GNG2: variants seen among roughly 807,000 people sequenced by gnomAD.
The protein encoded by GNG2 is guanine nucleotide-binding protein G(I)/G(S)/G(O) subunit gamma-2.
In GNG2, 5 loss-of-function variants were observed where a neutral mutation model predicts 5.5. That is an observed-to-expected ratio of 0.91 (90% CI 0.48 to 1.92). GNG2 has a LOEUF of 1.92. GNG2 is among the 30% of genes most tolerant of loss of function. The pLI is 0.01. For missense variants in GNG2, 55 were observed against 88.4 expected (o/e 0.62, Z 1.52); for synonymous variants, 28 against 32.0 (o/e 0.88, Z 0.42).
intron 1 of GNG2, among the ~76,000 whole-genome samples, chr14:51,871,669 G>A (rs1243616671): frequency 6.6e-6 from 1 of 152,200 alleles, no homozygotes; most frequent in Non-Finnish European, 1.5e-5. Context: ...TCACAAATCT[G>A]CAGTAGAGTA....
chr14:51,945,849 T>A (rs1307959484), intron 2 of GNG2, among the ~76,000 whole-genome samples: 4 of 152,154 alleles, frequency 2.6e-5, no homozygotes, highest in Non-Finnish European at 1.5e-5. Flanking sequence ...AACTCTTATT[T>A]GCACAGGTAA....
rs528769185 is a variant in GNG2, at chr14:51,913,496, AGAGT to A, written c.-30+35843_-30+35846del. Among the ~76,000 whole-genome samples, 720 of 152,310 alleles carry A rather than the reference AGAGT, an allele frequency of 4.7e-3. 6 individuals are homozygous for A. Among genetic ancestry groups the A allele is most frequent in the African/African-American group, 0.016 (676 of 41,564 alleles). On this transcript the variant is annotated intron_variant, in intron 2 of 3. Transcript: ENST00000556766. Reference sequence around the variant, plus strand: ...ATCACTGCACTCCAGTCTGGGTGACAGAGTGAGACCCTGTCTCTAAAAATAAACA... The same window carrying A: ...ATCACTGCACTCCAGTCTGGGTGACAGAGACCCTGTCTCTAAAAATAAACA...
At chr14:51,854,401 C>T (rs9323224) in intron 2 of GNG2, among the ~76,000 whole-genome samples, 53,769 of 152,112 alleles carry the variant, frequency 0.35, 10,220 homozygotes, top group Non-Finnish European at 0.44. Flanking sequence ...CAGCCCTGGT[C>T]TGGGGAGTGT....
intron 2 of GNG2, among the ~76,000 whole-genome samples, chr14:51,949,567 A>G (rs1474614126): frequency 6.6e-6 from 1 of 152,210 alleles, no homozygotes; most frequent in Non-Finnish European, 1.5e-5. Flanking sequence ...ACAAGATTCC[A>G]TTAGTGTTGA....
chr14:51,934,350 A>G (rs1253707), intron 2 of GNG2, among the ~76,000 whole-genome samples: 140,206 of 152,188 alleles, frequency 0.92, 65,233 homozygotes, highest in Non-Finnish European at 0.99. Context: ...GGGGTCTTCG[A>G]GCTTTTCTGC....
rs1225461761 is a variant in GNG2, at chr14:51,864,451, GATA to G, written c.-71+3667_-71+3669del. Among the ~76,000 whole-genome samples, 12 of 152,286 alleles carry G rather than the reference GATA, an allele frequency of 7.9e-5. No individual in the cohort carries two copies. In the South Asian group the frequency reaches 1.7e-3, roughly 21 times the overall value. ...GATCTTTTAACATAATGTGTCATTA[GATA>G]ATAATCATAATCTTCGTATTTAACC... On this transcript the variant is annotated intron_variant, in intron 1 of 3. Transcript: ENST00000556766.
chr14:51,953,595 T>C (rs546113270), intron 3 of GNG2, among the ~76,000 whole-genome samples: 1 of 152,332 alleles, frequency 6.6e-6, no homozygotes, highest in African/African-American at 2.4e-5. Flanking sequence ...CATTGGACCT[T>C]ACATTGTTAG....
At chr14:51,829,767 C>T (rs542061832) in intron 2 of GNG2, among the ~76,000 whole-genome samples, 10 of 152,246 alleles carry the variant, frequency 6.6e-5, no homozygotes, top group African/African-American at 2.2e-4. Context: ...CAGAGACATC[C>T]ACTGCTAAAC....
chr14:51,841,867 C>T (rs2140077711), intron 2 of GNG2, among the ~76,000 whole-genome samples: 1 of 152,096 alleles, frequency 6.6e-6, no homozygotes, highest in African/African-American at 2.4e-5. Context: ...AAATTGTGTC[C>T]AATAGACTGC....
In GNG2 at chr14:51,900,760, TG is replaced by T. The variant is rs1885495104; in HGVS notation, c.-30+23105del. 2.0e-5 allele frequency among the ~76,000 whole-genome samples: 3 copies of T among 152,094 alleles called. No individual in the cohort carries two copies. In the South Asian group the frequency reaches 6.2e-4, roughly 31 times the overall value. On this transcript the variant is annotated intron_variant, in intron 2 of 3. Coordinates refer to ENST00000556766, the MANE Select transcript of GNG2 (RefSeq NM_053064.5). ...TTGCTTTCCTAAAGTTCTTTCCAGC[TG>T]GCCTTAGTGAGATTTTGGATCTATT...
chr14:51,949,070 G>A (rs560253460), intron 2 of GNG2, among the ~76,000 whole-genome samples: 18 of 149,978 alleles, frequency 1.2e-4, no homozygotes, highest in Non-Finnish European at 1.5e-4. Context: ...GCAGTGAGCC[G>A]AGATCGCGCC....
chr14:51,908,168 A>G (rs1031927496), intron 2 of GNG2, among the ~76,000 whole-genome samples: 1 of 152,234 alleles, frequency 6.6e-6, no homozygotes, highest in African/African-American at 2.4e-5. Flanking sequence ...AAGCTCATTC[A>G]TATGGCTGTA....
chr14:51,829,345 T>G (rs1159184356), intron 2 of GNG2, among the ~76,000 whole-genome samples: 1 of 152,194 alleles, frequency 6.6e-6, no homozygotes, highest in Non-Finnish European at 1.5e-5. Context: ...ACCTGCAAGC[T>G]ATTGATCATA....
intron 1 of GNG2, among the ~76,000 whole-genome samples, chr14:51,864,857 A>G (rs1882767306): frequency 1.3e-5 from 2 of 152,228 alleles, no homozygotes; most frequent in South Asian, 4.1e-4. Context: ...TAGTTAAACA[A>G]TACAACAAGT....
At chr14:51,880,365 A>G (rs529741488) in intron 2 of GNG2, among the ~76,000 whole-genome samples, 118 of 152,342 alleles carry the variant, frequency 7.7e-4, no homozygotes, top group African/African-American at 2.7e-3. Flanking sequence ...GGAAAAAATA[A>G]CATAATAATA....
chr14:51,845,434 C>T (rs1881596301), intron 2 of GNG2, among the ~76,000 whole-genome samples: 1 of 152,182 alleles, frequency 6.6e-6, no homozygotes, highest in African/African-American at 2.4e-5. Flanking sequence ...GTCAAGGCTG[C>T]AGTGAGCTGA....
chr14:51,851,399 T>C (rs114081045), intron 2 of GNG2, among the ~76,000 whole-genome samples: 4 of 152,358 alleles, frequency 2.6e-5, no homozygotes, highest in African/African-American at 9.6e-5. Context: ...AGCAGCAGTT[T>C]TGACTCTTAT....
intron 2 of GNG2, chr14:51,914,149 G>T: frequency 1.5e-6 from 1 of 688,480 alleles, no homozygotes; most frequent in South Asian, 1.5e-5. Flanking sequence ...TTGGGGGAAT[G>T]GAGTCATTCC....
intron 2 of GNG2, among the ~76,000 whole-genome samples, chr14:51,897,598 C>T (rs1885281807): frequency 1.3e-5 from 2 of 152,152 alleles, no homozygotes; most frequent in African/African-American, 4.8e-5. Flanking sequence ...ATGGGTGAAT[C>T]CATGATCAAA....
Sources: allele counts gnomAD v4.1 joint callset (sites outside exome capture counted in the v4.1 genomes callset), GRCh38; gene constraint gnomAD v4.1.1; transcripts MANE v1.5; gene names NCBI Gene and HGNC (gene_info 2026-07-23, HGNC 2026-07-21).